CFAP74: variants seen among roughly 807,000 people sequenced by gnomAD.
The protein encoded by CFAP74 is cilia and flagella associated protein 74.
CFAP74 carries 124 observed loss-of-function variants against 188.9 expected under a neutral mutation model. The observed-to-expected ratio is 0.66, with a 90% CI of 0.57 to 0.76. The LOEUF (loss-of-function observed/expected upper bound fraction) is 0.76, where lower values mean the gene tolerates loss of function less well. Ranked by LOEUF, CFAP74 falls within the 30% of genes least tolerant of loss-of-function variation. The probability of loss-of-function intolerance (pLI) is 0.00; values close to 1 mark genes in which losing one functional copy is unlikely to be tolerated. For synonymous variants in CFAP74, 956 were observed against 916.7 expected (o/e 1.04, Z -0.77); for missense variants, 2,198 against 2,165.2 (o/e 1.02, Z -0.30).
At chr1:1,934,796 TACAC>T (rs1198369553) in intron 25 of CFAP74, among the ~76,000 whole-genome samples, 1 of 145,310 alleles carries the variant, frequency 6.9e-6, no homozygotes. Flanking sequence ...AGGTTGTAGG[TACAC>T]ACGTGTGTAT....
intron 1 of CFAP74, among the ~76,000 whole-genome samples, chr1:1,998,447 G>T (rs1443321038): frequency 6.6e-6 from 1 of 152,172 alleles, no homozygotes; most frequent in African/African-American, 2.4e-5. Context: ...ACGTAGGGAG[G>T]GGTAATGGGA....
chr1:1,973,155 C>G lies in CFAP74; in HGVS notation c.675-108G>C. The stretch of plus-strand genomic sequence containing the variant: ...GTCCCAGAGACGCCGTGGGCCCTTT[C>G]GCTCAGCTCTGTCCCGCACAGCCTC... On this transcript the variant is annotated intron_variant, in intron 7 of 38. Transcript: ENST00000682832. The surrounding 1 kb of genome is among the most constrained non-coding windows in gnomAD (Gnocchi z 6.2). 1 of 759,370 alleles carries G rather than the reference C, an allele frequency of 1.3e-6. No individual in the cohort carries two copies. The highest frequency in any genetic ancestry group is 2.2e-6 in the Non-Finnish European group (1 of 457,232). The allele number at this position is 759,370 out of a possible 1,614,324, so 47.0% of individuals were successfully genotyped here.
intron 14 of CFAP74, among the ~76,000 whole-genome samples, chr1:1,962,407 C>A (rs1361471109): frequency 6.9e-6 from 1 of 145,806 alleles, no homozygotes; most frequent in Non-Finnish European, 1.5e-5. Flanking sequence ...ACCCAGGAGG[C>A]AGAGGTTGCA....
chr1:1,987,846 G>A (rs1422417575), intron 4 of CFAP74: 1 of 331,282 alleles, frequency 3.0e-6, no homozygotes. Flanking sequence ...GGCCATGACG[G>A]TCACTTGGAA....
At chr1:1,955,143 C>T (rs899254510) in intron 18 of CFAP74, 29 of 1,287,758 alleles carry the variant, frequency 2.3e-5, no homozygotes, top group East Asian at 5.5e-5. Context: ...GTGCGGAACG[C>T]GCACCACGCG....
At chr1:1,976,119 G>A (rs1041459485) in intron 6 of CFAP74, among the ~76,000 whole-genome samples, 3 of 152,174 alleles carry the variant, frequency 2.0e-5, no homozygotes, top group African/African-American at 7.2e-5. Context: ...CCTTTTACGA[G>A]GCACTAATCG....
intron 16 of CFAP74, among the ~76,000 whole-genome samples, chr1:1,957,331 GC>G (rs1654715056): frequency 1.3e-5 from 2 of 152,202 alleles, no homozygotes; most frequent in Admixed American, 6.5e-5. Context: ...GAGTTTGGAG[GC>G]CCAGGGGCTC....
chr1:1,936,099 C>T (rs1652871471), intron 25 of CFAP74, among the ~76,000 whole-genome samples: 1 of 151,796 alleles, frequency 6.6e-6, no homozygotes, highest in Non-Finnish European at 1.5e-5. Context: ...TGCCTGTAAT[C>T]CCAGCTACTC....
chr1:1,925,736 C>T (rs1332093499), intron 33 of CFAP74, 47 bp downstream of exon 33: 25 of 1,579,658 alleles, frequency 1.6e-5, no homozygotes, highest in Non-Finnish European at 2.1e-5. Flanking sequence ...TGGTGGAAAC[C>T]CCTCCTGGGA....
chr1:1,925,207 CGTGAAGGCATGAGGGCACACGCTGGT>C (rs1463071603), intron 33 of CFAP74, among the ~76,000 whole-genome samples: 2 of 121,012 alleles, frequency 1.7e-5, no homozygotes, highest in Admixed American at 8.7e-5. Flanking sequence ...CATGGGGCAG[CGTGAAGGCATGAGGGCACACGCTGGT>C]GTGAAGGCAT....
chr1:1,983,250 C>T lies in CFAP74; in HGVS notation c.500+2136G>A, dbSNP rs1287207764. 2.0e-5 allele frequency among the ~76,000 whole-genome samples: 3 copies of T among 152,172 alleles called. No homozygotes were observed. The South Asian group carries it at 6.2e-4, about 32-fold the overall frequency. ...CAGGAATGAATTCTGGCAAGAAACA[C>T]GGAGGGATGCCAGCGCTCGTGTGAA... On this transcript the variant is annotated intron_variant, in intron 6 of 38. Coordinates refer to ENST00000682832, the MANE Select transcript of CFAP74 (RefSeq NM_001304360.2).
chr1:1,946,419 G>A lies in CFAP74; in HGVS notation c.2262C>T (p.Gly754=). 2.0e-6 allele frequency: 3 copies of A among 1,536,516 alleles called. No homozygotes were observed. Among genetic ancestry groups the A allele is most frequent in the Non-Finnish European group, 2.6e-6 (3 of 1,146,480 alleles). Residue 754 remains glycine, a synonymous_variant, in exon 20 of 39, where the codon GGC becomes GGT. Coordinates refer to ENST00000682832, the MANE Select transcript of CFAP74 (RefSeq NM_001304360.2). The part of the protein sequence containing the change: ...TLGEVTEGEI[G]PFSSIKVPIV... The stretch of plus-strand genomic sequence containing the variant: ...TGGGCACCTTGATGGAGCTGAAGGG[G>A]CCAATTTCCCCTTCTGTTACCTGCA...
At position 1,924,383 on chromosome 1, in the gene CFAP74, C is replaced by T; in HGVS notation, c.4234+8G>A. ...CAGCTCACCACCCACCCCCCACCCC[C>T]CGCTCACCGACCACCTCCGTCCTCT... On this transcript the variant is annotated splice_region_variant and intron_variant, in intron 34 of 38. Transcript: ENST00000682832. 2 of 854,122 alleles carry T rather than the reference C, an allele frequency of 2.3e-6. No individual in the cohort carries two copies. The highest frequency in any genetic ancestry group is 3.1e-6 in the Non-Finnish European group (2 of 640,434). 52.9% of individuals were successfully genotyped at this position (854,122 alleles called of 1,614,324 possible). A position where few individuals can be genotyped will look rare whatever the true frequency, so the allele number is the denominator to read the frequency against.
chr1:1,981,507 A>G (rs138995101), intron 6 of CFAP74, among the ~76,000 whole-genome samples: 1,783 of 53,604 alleles, frequency 0.033, 131 homozygotes, highest in Middle Eastern at 0.051. Context: ...ACACCCAACC[A>G]CGGACAGACA....
chr1:1,962,541 T>C (rs1365171066), intron 14 of CFAP74, among the ~76,000 whole-genome samples: 2 of 141,380 alleles, frequency 1.4e-5, no homozygotes, highest in African/African-American at 5.3e-5. Flanking sequence ...GCAGAAAACA[T>C]GGAAAAGGCC....
intron 25 of CFAP74, among the ~76,000 whole-genome samples, chr1:1,938,014 ACT>A (rs1458752714): frequency 6.6e-6 from 1 of 151,576 alleles, no homozygotes; most frequent in Admixed American, 6.6e-5. Context: ...ACATACAAGC[ACT>A]CACATTCAGT....
At chr1:1,988,703 A>T in intron 3 of CFAP74, 48 bp from the exon 4 acceptor site, 1 of 1,597,236 alleles carries the variant, frequency 6.3e-7, no homozygotes, top group South Asian at 1.1e-5. Context: ...CTGCAGGCTC[A>T]GAACTCATTC....
At chr1:1,966,715 C>A (rs982498155) in intron 11 of CFAP74, among the ~76,000 whole-genome samples, 189 bp from the exon 12 acceptor site, 3 of 152,106 alleles carry the variant, frequency 2.0e-5, no homozygotes, top group Non-Finnish European at 4.4e-5. Flanking sequence ...TATTTTAATA[C>A]ATTATTAAAT....
At chr1:1,962,844 G>A (rs571736301) in intron 14 of CFAP74, among the ~76,000 whole-genome samples, 5 of 152,174 alleles carry the variant, frequency 3.3e-5, no homozygotes, top group Admixed American at 1.3e-4. Flanking sequence ...AACTGAGATC[G>A]TGCCACTGCA....
Sources: gnomAD v4.1 joint callset for allele counts (sites outside exome capture counted in the v4.1 genomes callset) on GRCh38, gnomAD v4.1.1 for gene constraint, Gnocchi (gnomAD v3.1) non-coding constraint, MANE v1.5 for transcripts, NCBI Gene and HGNC (gene_info 2026-07-23, HGNC 2026-07-21) for gene names.